The following FOXK2 variants were observed in gnomAD, a reference collection of about 807,000 sequenced individuals.
FOXK2 encodes the protein forkhead box K2.
In FOXK2, 24 loss-of-function variants were observed where a neutral mutation model predicts 53.3. That is an observed-to-expected ratio of 0.45 (90% confidence interval 0.33 to 0.63). The LOEUF is 0.63. FOXK2 is among the 30% of genes least tolerant of loss of function. The pLI is 0.03. For synonymous variants in FOXK2, 505 were observed against 407.1 expected, an observed-to-expected ratio of 1.24 and a Z score of -2.89; for missense variants, 952 against 910.5, an observed-to-expected ratio of 1.05 and a Z score of -0.59.
chr17:82,596,476 C>CAGTTGCCCT (rs2045312394), intron 8 of FOXK2, among the ~76,000 whole-genome samples: 2 of 14,124 alleles, frequency 1.4e-4, no homozygotes, highest in Non-Finnish European at 4.0e-4. Context: ...CCTGCCCCAC[C>CAGTTGCCCT]GGTTGCCCTG....
rs747011504 is a variant in FOXK2 at position 82,601,369 on chromosome 17, G to A, written c.1853G>A (p.Arg618His). The change falls in exon 9 of 9, where the codon CGC (arginine) becomes CAC (histidine). Residue 618 changes from arginine to histidine, a missense_variant. By Grantham distance (29) the Arg-to-His change is conservative. Coordinates refer to ENST00000335255, the MANE Select transcript of FOXK2 (RefSeq NM_004514.4). ...GCATCGGCCTCCCTGCCCACAAAGC[G>A]CCACAACGGTGACCAGCCGGAGCAG... ...ASASASLPTK[R>H]HNGDQPEQPE... The A allele has an allele frequency of 5.0e-6, 8 of 1,613,308 alleles. No individual in the cohort carries two copies. Among genetic ancestry groups the A allele is most frequent in the East Asian group, 4.5e-5 (2 of 44,880 alleles).
intron 2 of FOXK2, among the ~76,000 whole-genome samples, chr17:82,564,064 TTTAAAAGA>T (rs2044827159): frequency 6.6e-6 from 1 of 151,010 alleles, no homozygotes; most frequent in Non-Finnish European, 1.5e-5. Context: ...TTACTCATTC[TTTAAAAGA>T]TGTTTTTAAA....
At chr17:82,587,404 C>A (rs769117488) in intron 8 of FOXK2, 132 bp downstream of exon 8, 3 of 735,068 alleles carry the variant, frequency 4.1e-6, no homozygotes, top group African/African-American at 1.7e-5. Context: ...TTCGAAGCTG[C>A]AGGAAATCTA....
intron 4 of FOXK2, among the ~76,000 whole-genome samples, chr17:82,579,982 C>T (rs550258884): frequency 7.2e-5 from 9 of 125,602 alleles, no homozygotes; most frequent in Non-Finnish European, 1.3e-4. Flanking sequence ...ATCCACAGGG[C>T]CCAGATCCCT....
chr17:82,563,994 C>G, intron 2 of FOXK2, among the ~76,000 whole-genome samples: 1 of 151,976 alleles, frequency 6.6e-6, no homozygotes. Flanking sequence ...TCAAGTGATC[C>G]GCCCACCTCA....
chr17:82,587,262 G>A lies in FOXK2; in HGVS notation c.1776G>A (p.Gln592=). The A allele has an allele frequency of 1.2e-6, 2 of 1,612,704 alleles. No homozygotes were observed. Among genetic ancestry groups the A allele is most frequent in the Non-Finnish European group, 8.5e-7 (1 of 1,179,730 alleles). ...VASVPTAVHG[Q]VNNAAASPLH... ...CAGTCCCCACTGCGGTCCACGGCCAGGTGAACAATGGTAAGACATGCTGGT... is the reference window on the plus strand; with the variant it reads ...CAGTCCCCACTGCGGTCCACGGCCAAGTGAACAATGGTAAGACATGCTGGT... The change falls in exon 8 of 9, where the codon CAG becomes CAA. Residue 592 remains glutamine, a synonymous_variant. Coordinates refer to ENST00000335255, the MANE Select transcript of FOXK2 (RefSeq NM_004514.4).
In FOXK2 at chr17:82,584,090, C is replaced by T. The variant is rs778322283; in HGVS notation, c.1181C>T (p.Ser394Leu). 3 of 1,611,636 alleles carry T rather than the reference C, an allele frequency of 1.9e-6. No individual in the cohort carries two copies. Among genetic ancestry groups the T allele is most frequent in the Admixed American group, 1.7e-5 (1 of 59,958 alleles). The change falls in exon 6 of 9, where the codon TCG becomes TTG. Residue 394 changes from serine to leucine, a missense_variant. Physicochemically the swap from Ser to Leu is moderately radical, Grantham distance 145 (BLOSUM62 -2). Transcript: ENST00000335255. Reference protein sequence around the residue: ...SSGAQTPESLSREGSPAPLEP... With the variant: ...SSGAQTPESLLREGSPAPLEP... ...GGCGCCCAGACCCCTGAGAGCCTGT[C>T]GAGGGAAGGTTCGCCGGCCCCCCTG...
At position 82,603,719 on chromosome 17, in the gene FOXK2, GTTTTT is replaced by G. The variant is rs10615625; in HGVS notation, c.*2234_*2238del. 4.1e-4 allele frequency: 57 copies of G among 138,688 alleles called. No homozygotes were observed. The highest frequency in any genetic ancestry group is 5.0e-4 in the Admixed American group (7 of 13,992). 8.6% of individuals were successfully genotyped at this position (138,688 alleles called of 1,614,324 possible). On this transcript the variant is annotated 3_prime_UTR_variant, in exon 9 of 9. Coordinates refer to ENST00000335255, the MANE Select transcript of FOXK2 (RefSeq NM_004514.4). The stretch of plus-strand genomic sequence containing the variant: ...CAAATGGTAAAGAAGGGAGGAGGGT[GTTTTT>G]TTTTTTTTTTTTTGCCGTAGGCACC...
At chr17:82,551,219 A>G (rs574525457) in intron 1 of FOXK2, among the ~76,000 whole-genome samples, 1 of 152,118 alleles carries the variant, frequency 6.6e-6, no homozygotes, top group African/African-American at 2.4e-5. Context: ...CGGGAGGCTG[A>G]GGCAGGAGAA....
At chr17:82,555,072 A>G (rs4789791) in intron 1 of FOXK2, among the ~76,000 whole-genome samples, 32,506 of 152,180 alleles carry the variant, frequency 0.21, 3,842 homozygotes, top group East Asian at 0.39. Flanking sequence ...TTTTAGGAAC[A>G]CACAGTGCCA....
At chr17:82,601,154 G>A in intron 8 of FOXK2, 149 bp from the exon 9 acceptor site, 3 of 845,702 alleles carry the variant, frequency 3.5e-6, no homozygotes, top group South Asian at 3.7e-5. Context: ...AGCCTCCGCG[G>A]GCCTGGGAGT....
chr17:82,598,368 C>T (rs1009726625), intron 8 of FOXK2, among the ~76,000 whole-genome samples: 1 of 152,130 alleles, frequency 6.6e-6, no homozygotes, highest in East Asian at 1.9e-4. Flanking sequence ...GGGTTGCAGG[C>T]GTGGACCACT....
At chr17:82,582,967 C>T (rs766296384) in intron 5 of FOXK2, 33 bp downstream of exon 5, 250 of 1,466,134 alleles carry the variant, frequency 1.7e-4, no homozygotes, top group Non-Finnish European at 2.2e-4. Context: ...GGCCTCACTT[C>T]GTGCTTACTA....
At chr17:82,591,775 G>A (rs931271807) in intron 8 of FOXK2, among the ~76,000 whole-genome samples, 4 of 152,170 alleles carry the variant, frequency 2.6e-5, no homozygotes, top group African/African-American at 9.7e-5. Flanking sequence ...TCAGGGCTGC[G>A]GGTGCCGCCG....
intron 6 of FOXK2, 32 bp from the exon 7 acceptor site, chr17:82,585,872 G>T (rs375130797): frequency 6.3e-7 from 1 of 1,589,602 alleles, no homozygotes; most frequent in Non-Finnish European, 8.6e-7. Flanking sequence ...GTCAGTATCT[G>T]TAAGTGTCAG....
rs1399621643 is a variant in FOXK2 at position 82,520,014 on chromosome 17, C to G, written c.126C>G (p.Gly42=). ...PGGWAVARLE[G]REFEYLMKKR... ...GCTGGGCCGTGGCGCGCCTGGAGGGCCGCGAGTTCGAGTATCTGATGAAGA... is the reference window on the plus strand; with the variant it reads ...GCTGGGCCGTGGCGCGCCTGGAGGGGCGCGAGTTCGAGTATCTGATGAAGA... Residue 42 remains glycine (G), a synonymous_variant, in exon 1 of 9, where the codon GGC becomes GGG. Coordinates refer to ENST00000335255, the MANE Select transcript of FOXK2 (RefSeq NM_004514.4). The G allele has an allele frequency of 6.8e-7, 1 of 1,474,586 alleles. No individual in the cohort carries two copies. Among genetic ancestry groups the G allele is most frequent in the Non-Finnish European group, 9.0e-7 (1 of 1,110,034 alleles). The allele number at this position is 1,474,586 out of a possible 1,614,324, so 91.3% of individuals were successfully genotyped here. A position where few individuals can be genotyped will look rare whatever the true frequency, so the allele number is the denominator to read the frequency against.
intron 1 of FOXK2, among the ~76,000 whole-genome samples, chr17:82,532,158 T>C (rs1183009971): frequency 6.9e-6 from 1 of 145,580 alleles, no homozygotes; most frequent in Non-Finnish European, 1.5e-5. Flanking sequence ...TTATTTATTT[T>C]TTTGAGATGG....
intron 1 of FOXK2, among the ~76,000 whole-genome samples, chr17:82,534,852 C>T (rs1156608096): frequency 2.0e-5 from 3 of 152,226 alleles, no homozygotes; most frequent in Non-Finnish European, 4.4e-5. Context: ...CTTGTTGACA[C>T]AAATCTACCT....
intron 8 of FOXK2, chr17:82,596,056 C>T: frequency 1.9e-5 from 21 of 1,108,436 alleles, no homozygotes; most frequent in Non-Finnish European, 2.3e-5. Flanking sequence ...CCGCAGTGGC[C>T]CCGGCTGTCT....
Sources: allele counts gnomAD v4.1 joint callset (sites outside exome capture counted in the v4.1 genomes callset), GRCh38; gene constraint gnomAD v4.1.1; transcripts MANE v1.5; gene names NCBI Gene and HGNC (gene_info 2026-07-23, HGNC 2026-07-21).